The following SLC47A1 variants were observed in gnomAD, a reference collection of about 807,000 sequenced individuals.
SLC47A1 encodes solute carrier family 47 member 1, also known as multidrug and toxin extrusion protein 1.
SLC47A1 carries 58 observed loss-of-function variants against 65.8 expected under a neutral mutation model. The observed-to-expected ratio is 0.88, with a 90% CI of 0.71 to 1.10. The LOEUF is 1.10. SLC47A1 is among the 50% of genes least tolerant of loss of function. The probability of loss-of-function intolerance (pLI) is 0.00; values close to 1 mark genes in which losing one functional copy is unlikely to be tolerated. For missense variants in SLC47A1, 706 were observed against 719.2 expected, an observed-to-expected ratio of 0.98 and a Z score of 0.21; for synonymous variants, 285 against 295.0, an observed-to-expected ratio of 0.97 and a Z score of 0.35.
intron 3 of SLC47A1, chr17:19,546,961 A>G (rs1916307546): frequency 6.3e-6 from 1 of 159,612 alleles, no homozygotes; most frequent in African/African-American, 2.4e-5. Context: ...CCAGGGGCGT[A>G]AGTATTTCCT....
chr17:19,563,660 G>T (rs1337776963), intron 12 of SLC47A1, among the ~76,000 whole-genome samples: 1 of 152,106 alleles, frequency 6.6e-6, no homozygotes, highest in Non-Finnish European at 1.5e-5. Context: ...TCACTCTTAT[G>T]TATTAATATG....
intron 4 of SLC47A1, 151 bp downstream of exon 4, chr17:19,548,284 C>A: frequency 2.3e-6 from 2 of 873,346 alleles, no homozygotes; most frequent in Non-Finnish European, 1.7e-6. Context: ...GTACTTTCCA[C>A]ACCTGGCATC....
chr17:19,564,918 C>T (rs2152316240), intron 12 of SLC47A1, among the ~76,000 whole-genome samples: 1 of 152,214 alleles, frequency 6.6e-6, no homozygotes, highest in South Asian at 2.1e-4. Flanking sequence ...GGGAGTTCTC[C>T]ATGTTGGTCA....
chr17:19,541,687 G>T (rs961376693), intron 1 of SLC47A1, among the ~76,000 whole-genome samples: 18 of 152,182 alleles, frequency 1.2e-4, no homozygotes, highest in Middle Eastern at 3.2e-3. Context: ...CTTCCTTGCT[G>T]GAATGTGTTC....
At position 19,560,233 on chromosome 17, in the gene SLC47A1, G is replaced by A. The variant is rs775518497; in HGVS notation, c.967G>A (p.Ala323Thr). ...GGCTGCCAGTGTCCGGGTAGGAAACGCTCTGGGTGCTGGAGACATGGAGCA... is the reference window on the plus strand; with the variant it reads ...GGCTGCCAGTGTCCGGGTAGGAAACACTCTGGGTGCTGGAGACATGGAGCA... ...SVAASVRVGN[A>T]LGAGDMEQAR... The change falls in exon 11 of 17, where the codon GCT (alanine) becomes ACT (threonine). Residue 323 changes from alanine (A) to threonine (T), a missense_variant. Transcript: ENST00000270570. The A allele has an allele frequency of 3.7e-6, 6 of 1,613,568 alleles. No individual in the cohort carries two copies. The South Asian group carries it at 4.4e-5, about 12-fold the overall frequency.
chr17:19,539,117 C>T (rs1916070355), intron 1 of SLC47A1, among the ~76,000 whole-genome samples: 1 of 152,014 alleles, frequency 6.6e-6, no homozygotes, highest in Non-Finnish European at 1.5e-5. Context: ...CAAAATGTTG[C>T]CTGGGCTGGT....
intron 6 of SLC47A1, among the ~76,000 whole-genome samples, chr17:19,554,879 A>G (rs1369774961): frequency 1.3e-5 from 2 of 152,174 alleles, no homozygotes; most frequent in African/African-American, 2.4e-5. Flanking sequence ...TCCAGTGTCA[A>G]AGGTGCCTTG....
chr17:19,575,865 G>A (rs988362150), intron 16 of SLC47A1, among the ~76,000 whole-genome samples: 1 of 152,144 alleles, frequency 6.6e-6, no homozygotes, highest in African/African-American at 2.4e-5. Context: ...GCATACAAAT[G>A]TATTTAACCA....
Position 19,560,245 on chromosome 17 carries a change from G to A in SLC47A1, c.979G>A (p.Gly327Arg), listed in dbSNP as rs1375054590. ...SVRVGNALGA[G>R]DMEQARKSST... is the part of the protein sequence containing the mutation. ...CCGGGTAGGAAACGCTCTGGGTGCT[G>A]GAGACATGGAGCAGGCACGGAAGTC... Residue 327 changes from glycine to arginine, a missense_variant, in exon 11 of 17, where the codon GGA (glycine) becomes AGA (arginine). By Grantham distance (125) the Gly-to-Arg change is moderately radical. Coordinates refer to ENST00000270570, the MANE Select transcript of SLC47A1 (RefSeq NM_018242.3). 1.2e-6 allele frequency: 2 copies of A among 1,613,780 alleles called. No homozygotes were observed. Among genetic ancestry groups the A allele is most frequent in the Non-Finnish European group, 1.7e-6 (2 of 1,180,004 alleles).
At chr17:19,551,534 C>A in intron 6 of SLC47A1, 66 bp downstream of exon 6, 2 of 1,430,422 alleles carry the variant, frequency 1.4e-6, no homozygotes, top group Non-Finnish European at 9.9e-7. Context: ...GGAATGGGGG[C>A]CCTGAAGATA....
At position 19,542,611 on chromosome 17, in the gene SLC47A1, G is replaced by A. The variant is rs77534210; in HGVS notation, c.237+117G>A. 6.3e-3 allele frequency: 4,692 copies of A among 740,132 alleles called. 165 individuals carry two copies. The East Asian group carries it at 0.086, about 14-fold the overall frequency. The allele number at this position is 740,132 out of a possible 1,614,324, so 45.8% of individuals were successfully genotyped here. A position where few individuals can be genotyped will look rare whatever the true frequency, so the allele number is the denominator to read the frequency against. The stretch of plus-strand genomic sequence containing the variant: ...ACCTACACAGACTTATTCTCTTACA[G>A]TGCTGGAGTGCAGAAGTCTGAAGTG... On this transcript the variant is annotated intron_variant, in intron 2 of 16. Coordinates refer to ENST00000270570, the MANE Select transcript of SLC47A1 (RefSeq NM_018242.3).
intron 6 of SLC47A1, among the ~76,000 whole-genome samples, chr17:19,551,849 G>A (rs1411495475): frequency 6.6e-6 from 1 of 152,188 alleles, no homozygotes; most frequent in Non-Finnish European, 1.5e-5. Flanking sequence ...CAGCTCGTCT[G>A]GCAGAGAGGG....
chr17:19,576,649 G>A (rs972413826), intron 16 of SLC47A1, among the ~76,000 whole-genome samples: 9 of 151,962 alleles, frequency 5.9e-5, no homozygotes, highest in Admixed American at 2.6e-4. Flanking sequence ...ACCCAGACTT[G>A]AATTATTTCT....
chr17:19,540,409 A>G (rs1366851168), intron 1 of SLC47A1, among the ~76,000 whole-genome samples: 1 of 152,236 alleles, frequency 6.6e-6, no homozygotes, highest in African/African-American at 2.4e-5. Context: ...CTTAAAGCAC[A>G]GTGAACTGAA....
In SLC47A1 at chr17:19,550,266, C is replaced by T. The variant is rs574708578; in HGVS notation, c.498+589C>T. ...CCTCCTGAGTTGCTGGAACTACAGGCACATGCCACCACACTTGGCTAATTT... is the reference window on the plus strand; with the variant it reads ...CCTCCTGAGTTGCTGGAACTACAGGTACATGCCACCACACTTGGCTAATTT... On this transcript the variant is annotated intron_variant, in intron 5 of 16. Coordinates refer to ENST00000270570, the MANE Select transcript of SLC47A1 (RefSeq NM_018242.3). 4.6e-5 allele frequency among the ~76,000 whole-genome samples: 7 copies of T among 152,184 alleles called. No individual in the cohort carries two copies. The East Asian group carries it at 1.4e-3, about 29-fold the overall frequency.
Position 19,577,594 on chromosome 17 carries a change from C to T in SLC47A1, c.*41C>T, listed in dbSNP as rs1049318180. On this transcript the variant is annotated 3_prime_UTR_variant, in exon 17 of 17. Coordinates refer to ENST00000270570, the MANE Select transcript of SLC47A1 (RefSeq NM_018242.3). ...AGTCAGGTCAAGTGATGCTTTTGAG[C>T]TTACACACAATTCACAGGCCCACCA... 32 of 1,609,582 alleles carry T rather than the reference C, an allele frequency of 2.0e-5. No homozygotes were observed. Among genetic ancestry groups the T allele is most frequent in the Admixed American group, 6.7e-5 (4 of 59,846 alleles).
intron 12 of SLC47A1, among the ~76,000 whole-genome samples, chr17:19,563,627 TAAAA>T (rs891498861): frequency 6.6e-6 from 1 of 152,034 alleles, no homozygotes; most frequent in Non-Finnish European, 1.5e-5. Context: ...AGTTTGCACA[TAAAA>T]AAGAAAGAAA....
At chr17:19,575,835 G>T (rs2084435483) in intron 16 of SLC47A1, among the ~76,000 whole-genome samples, 1 of 152,034 alleles carries the variant, frequency 6.6e-6, no homozygotes. Context: ...TTATAATAAG[G>T]CCGATGAATA....
chr17:19,542,541 C>A, intron 2 of SLC47A1, 47 bp downstream of exon 2: 4 of 1,410,926 alleles, frequency 2.8e-6, no homozygotes, highest in Non-Finnish European at 2.9e-6. Flanking sequence ...TCTGTGTTTG[C>A]CTTCTGCTGC....
Sources: allele counts gnomAD v4.1 joint callset (sites outside exome capture counted in the v4.1 genomes callset), GRCh38; gene constraint gnomAD v4.1.1; transcripts MANE v1.5; gene names NCBI Gene and HGNC (gene_info 2026-07-23, HGNC 2026-07-21).